The following AKNA variants were observed in gnomAD, a reference collection of about 807,000 sequenced individuals.
The protein encoded by AKNA is microtubule organization protein AKNA.
AKNA carries 67 observed loss-of-function variants against 138.8 expected under a neutral mutation model. That is an observed-to-expected ratio of 0.48 (90% CI 0.40 to 0.59). AKNA has a LOEUF of 0.59. Ranked by LOEUF, AKNA falls within the 20% of genes least tolerant of loss-of-function variation. The pLI, the probability that AKNA is intolerant of heterozygous loss-of-function variation, is 0.00. For missense variants in AKNA, 1,813 were observed against 1,880.4 expected (o/e 0.96, Z 0.66); for synonymous variants, 737 against 754.4 (o/e 0.98, Z 0.38).
In AKNA at chr9:114,359,763, T is replaced by G; in HGVS notation, c.2323A>C (p.Met775Leu). 1 of 1,600,530 alleles carries G rather than the reference T, an allele frequency of 6.2e-7. No homozygotes were observed. The highest frequency in any genetic ancestry group is 1.1e-5 in the South Asian group (1 of 88,362). The change falls in exon 11 of 22, where the codon ATG becomes CTG. Residue 775 changes from methionine (M) to leucine (L), a missense_variant. Physicochemically the swap from Met to Leu is conservative, Grantham distance 15. Transcript: ENST00000374088. Reference protein sequence around the residue: ...YLSVKSLPEAMRMEEEEEGEE... With the variant: ...YLSVKSLPEALRMEEEEEGEE... ...CCTTCTTCCTCCTCCTCCATTCTCA[T>G]GGCTTCTGGGAGAGACTTCACACTG...
chr9:114,388,054 G>A (rs768990433), upstream of AKNA: 5 of 265,812 alleles, frequency 1.9e-5, no homozygotes, highest in Admixed American at 8.5e-5. Flanking sequence ...GGTTGAGGCC[G>A]CCTCGCCTCG....
At chr9:114,330,776 T>C (rs778320770), downstream of AKNA, 4 of 1,613,326 alleles carry the variant, frequency 2.5e-6, no homozygotes, top group South Asian at 4.4e-5. Context: ...TTCTTCCGCC[T>C]TCTGGTTGAC....
Position 114,337,012 on chromosome 9 carries a change from T to TTGG in AKNA, c.*41_*42insCCA. 20 of 1,208,202 alleles carry TTGG rather than the reference T, an allele frequency of 1.7e-5. No homozygotes were observed. The highest frequency in any genetic ancestry group is 3.1e-5 in the East Asian group (1 of 32,128). The allele number at this position is 1,208,202 out of a possible 1,614,324, so 74.8% of individuals were successfully genotyped here. A position where few individuals can be genotyped will look rare whatever the true frequency, so the allele number is the denominator to read the frequency against. The stretch of plus-strand genomic sequence containing the variant: ...CCCACTCCTGGCCTGGCAGGCCACC[T>TTGG]GCCCACCCACCCACCCATCTGCCTC... On this transcript the variant is annotated 3_prime_UTR_variant, in exon 22 of 22. Coordinates refer to ENST00000374088, the MANE Select transcript of AKNA (RefSeq NM_001317950.2).
chr9:114,348,801 G>A (rs1440029295), intron 15 of AKNA: 1 of 452,158 alleles, frequency 2.2e-6, no homozygotes, highest in Non-Finnish European at 4.5e-6. Context: ...GCCAGGCTCA[G>A]CAAAGCCACC....
chr9:114,337,379 G>C, intron 21 of AKNA, 73 bp from the exon 22 acceptor site: 1 of 1,346,694 alleles, frequency 7.4e-7, no homozygotes, highest in Non-Finnish European at 9.6e-7. Context: ...CCGTGTGTGG[G>C]GTCAACCCCC....
In AKNA at chr9:114,336,955, T is replaced by C; in HGVS notation, c.*99A>G. The C allele has an allele frequency of 5.8e-6, 8 of 1,382,874 alleles. No individual in the cohort carries two copies. The highest frequency in any genetic ancestry group is 6.6e-6 in the Non-Finnish European group (7 of 1,053,914). The allele number at this position is 1,382,874 out of a possible 1,614,324, so 85.7% of individuals were successfully genotyped here. A position where few individuals can be genotyped will look rare whatever the true frequency, so the allele number is the denominator to read the frequency against. On this transcript the variant is annotated 3_prime_UTR_variant, in exon 22 of 22. Transcript: ENST00000374088. ...GAGGGAGACCCTCCTGGTGAGGAAC[T>C]ATGCGGGCCTTCTGGGCCTCAGCAG...
chr9:114,341,862 C>A, intron 20 of AKNA, 137 bp from the exon 21 acceptor site: 1 of 1,321,200 alleles, frequency 7.6e-7, no homozygotes, highest in Non-Finnish European at 1.1e-6. Context: ...TCGGGGAGGT[C>A]TCTCTTTGGG....
At chr9:114,365,021 T>C (rs1481629940) in intron 6 of AKNA, among the ~76,000 whole-genome samples, 1 of 152,216 alleles carries the variant, frequency 6.6e-6, no homozygotes. Context: ...AGACCTATTT[T>C]TCAGTGTCAA....
chr9:114,385,840 C>A (rs1833993009), intron 1 of AKNA, among the ~76,000 whole-genome samples: 1 of 152,232 alleles, frequency 6.6e-6, no homozygotes, highest in Non-Finnish European at 1.5e-5. Context: ...TACCTGCCAA[C>A]CTCAGGCTGG....
chr9:114,335,951 AT>A lies in AKNA; in HGVS notation c.*1102del, dbSNP rs1829973527. 5 of 152,190 alleles carry A rather than the reference AT, an allele frequency of 3.3e-5. No individual in the cohort carries two copies. Among genetic ancestry groups the A allele is most frequent in the Admixed American group, 3.3e-4 (5 of 15,280 alleles). The allele number at this position is 152,190 out of a possible 1,614,324, so 9.4% of individuals were successfully genotyped here. Reference sequence around the variant, plus strand: ...CCTCAAGGCCCTCCGCAGTTGAAAGATTTATGGTTCTGAGATAGGCAAAGGG... The same window carrying A: ...CCTCAAGGCCCTCCGCAGTTGAAAGATTATGGTTCTGAGATAGGCAAAGGG... On this transcript the variant is annotated 3_prime_UTR_variant, in exon 22 of 22. Transcript: ENST00000374088.
chr9:114,390,233 C>T (rs1328335421), upstream of AKNA, among the ~76,000 whole-genome samples: 1 of 152,116 alleles, frequency 6.6e-6, no homozygotes, highest in African/African-American at 2.4e-5. Flanking sequence ...CATGACCAAC[C>T]CTCCTCCCTG....
At chr9:114,331,829 A>G, downstream of AKNA, 1 of 1,613,564 alleles carries the variant, frequency 6.2e-7, no homozygotes, top group African/African-American at 1.3e-5. Flanking sequence ...CCTGCAGCTG[A>G]CAAGCCAGAG....
rs558079930 is a variant in AKNA, at chr9:114,367,841, G to T, written c.1574-144C>A. Reference sequence around the variant, plus strand: ...GCGATCTTCACATCAGCCCCAGGAAGTGGGCTGGGTAGAACATTGTCCCCC... The same window carrying T: ...GCGATCTTCACATCAGCCCCAGGAATTGGGCTGGGTAGAACATTGTCCCCC... On this transcript the variant is annotated intron_variant, in intron 5 of 21. Transcript: ENST00000374088. The T allele has an allele frequency of 2.4e-4, 217 of 914,202 alleles. 1 individual carries two copies. The African/African-American group carries it at 3.0e-3, about 12-fold the overall frequency. The allele number at this position is 914,202 out of a possible 1,614,324, so 56.6% of individuals were successfully genotyped here.
intron 1 of AKNA, among the ~76,000 whole-genome samples, chr9:114,386,962 C>A (rs1834077906): frequency 6.6e-6 from 1 of 152,092 alleles, no homozygotes; most frequent in South Asian, 2.1e-4. Context: ...CTGCTTCTAC[C>A]CCCACCCACA....
chr9:114,342,132 G>A lies in AKNA; in HGVS notation c.3758-7C>T. 2.6e-6 allele frequency: 4 copies of A among 1,563,518 alleles called. No individual in the cohort carries two copies. The highest frequency in any genetic ancestry group is 2.6e-6 in the Non-Finnish European group (3 of 1,155,560). On this transcript the variant is annotated splice_region_variant and splice_polypyrimidine_tract_variant and intron_variant, in intron 19 of 21. Coordinates refer to ENST00000374088, the MANE Select transcript of AKNA (RefSeq NM_001317950.2). ...TCCCCTGTGACAGCACCACCTAGAA[G>A]AGGAGGAAGAGATGTCAGGGGAGGA...
intron 3 of AKNA, chr9:114,375,971 C>A (rs1312507788): frequency 6.6e-6 from 3 of 454,688 alleles, no homozygotes; most frequent in African/African-American, 2.0e-5. Flanking sequence ...AGCCTCTACC[C>A]CAGGGCTTCC....
chr9:114,355,148 A>T (rs1488676735), intron 14 of AKNA, among the ~76,000 whole-genome samples: 1 of 145,928 alleles, frequency 6.9e-6, no homozygotes, highest in East Asian at 2.1e-4. Context: ...GATTACAGGC[A>T]TGAGCCACCA....
chr9:114,396,522 T>C (rs1226058527), upstream of AKNA, among the ~76,000 whole-genome samples: 4 of 151,638 alleles, frequency 2.6e-5, no homozygotes, highest in African/African-American at 9.7e-5. Flanking sequence ...CTACTAAAAA[T>C]ACAAAAATTA....
At chr9:114,330,778 C>T (rs552854451), downstream of AKNA, 2 of 1,613,298 alleles carry the variant, frequency 1.2e-6, no homozygotes, top group Non-Finnish European at 1.7e-6. Context: ...CTTCCGCCTT[C>T]TGGTTGACTT....
Sources: gnomAD v4.1 joint callset for allele counts (sites outside exome capture counted in the v4.1 genomes callset) on GRCh38, gnomAD v4.1.1 for gene constraint, MANE v1.5 for transcripts, NCBI Gene and HGNC (gene_info 2026-07-23, HGNC 2026-07-21) for gene names.